COPB1: variants seen among roughly 807,000 people sequenced by gnomAD.
COPB1 encodes coatomer subunit beta.
In COPB1, 21 loss-of-function variants were observed where a neutral mutation model predicts 108.7. That is an observed-to-expected ratio of 0.19 (90% confidence interval 0.14 to 0.28). COPB1 has a LOEUF of 0.28. COPB1 is among the 10% of genes least tolerant of loss of function. The pLI is 1.00. For missense variants in COPB1, 919 were observed against 1,141.3 expected, an observed-to-expected ratio of 0.81 and a Z score of 2.81; for synonymous variants, 378 against 386.8, an observed-to-expected ratio of 0.98 and a Z score of 0.27.
chr11:14,495,686 A>C (rs1485442291), intron 2 of COPB1, among the ~76,000 whole-genome samples: 2 of 152,220 alleles, frequency 1.3e-5, no homozygotes, highest in African/African-American at 4.8e-5. Context: ...AATGGCAAAA[A>C]TATACATTAA....
At chr11:14,488,616 C>T in intron 5 of COPB1, 32 bp from the exon 6 acceptor site, 1 of 1,422,134 alleles carries the variant, frequency 7.0e-7, no homozygotes, top group Non-Finnish European at 9.8e-7. Flanking sequence ...TTATCATTCT[C>T]CACCTCATTC....
Position 14,498,988 on chromosome 11 carries a change from A to C in COPB1, c.-57-3T>G. The C allele has an allele frequency of 1.5e-6, 2 of 1,362,246 alleles. No homozygotes were observed. Among genetic ancestry groups the C allele is most frequent in the African/African-American group, 3.0e-5 (2 of 67,576 alleles). 84.4% of individuals were successfully genotyped at this position (1,362,246 alleles called of 1,614,324 possible). A position where few individuals can be genotyped will look rare whatever the true frequency, so the allele number is the denominator to read the frequency against. ...AAGATTTAAGGATGCCAGAAAATCT[A>C]GAAAAATAAACACAGACATATCATT... On this transcript the variant is annotated splice_polypyrimidine_tract_variant and splice_region_variant and intron_variant, in intron 1 of 21. Transcript: ENST00000439561.
intron 4 of COPB1, among the ~76,000 whole-genome samples, chr11:14,491,669 CAA>C (rs10550863): frequency 0.66 from 90,888 of 138,496 alleles, 29,171 homozygotes; most frequent in East Asian, 0.7. Flanking sequence ...AACTCTGTCT[CAA>C]AAAAAAAAAA....
At position 14,485,545 on chromosome 11, in the gene COPB1, T is replaced by C. The variant is rs180828022; in HGVS notation, c.837+822A>G. ...GCCAGAAGCCTTACCAATGACACAGTTGATTAAAACATGTTTTGTGGCCAG... is the reference window on the plus strand; with the variant it reads ...GCCAGAAGCCTTACCAATGACACAGCTGATTAAAACATGTTTTGTGGCCAG... On this transcript the variant is annotated intron_variant, in intron 7 of 21. Transcript: ENST00000439561. Among the ~76,000 whole-genome samples the C allele has an allele frequency of 3.8e-4, 58 of 152,260 alleles. 1 individual carries two copies. The highest frequency in any genetic ancestry group is 1.3e-3 in the African/African-American group (53 of 41,548).
At chr11:14,463,467 C>T (rs370330632) in intron 18 of COPB1, among the ~76,000 whole-genome samples, 3 of 152,258 alleles carry the variant, frequency 2.0e-5, no homozygotes, top group Admixed American at 6.5e-5. Context: ...TACAGGCGTG[C>T]GCCATTACGC....
At chr11:14,498,005 G>A (rs1292187652) in intron 2 of COPB1, among the ~76,000 whole-genome samples, 5 of 152,150 alleles carry the variant, frequency 3.3e-5, no homozygotes, top group East Asian at 3.9e-4. Flanking sequence ...ACAAACTCAC[G>A]GAGACAGAGT....
chr11:14,488,642 T>G, intron 5 of COPB1, 58 bp from the exon 6 acceptor site: 1 of 1,122,342 alleles, frequency 8.9e-7, no homozygotes. Context: ...AAGGACTTAA[T>G]GCATCTTAAA....
At position 14,494,423 on chromosome 11, in the gene COPB1, C is replaced by A; in HGVS notation, c.108G>T (p.Lys36Asn). 1 of 1,558,640 alleles carries A rather than the reference C, an allele frequency of 6.4e-7. No individual in the cohort carries two copies. Among genetic ancestry groups the A allele is most frequent in the Non-Finnish European group, 8.7e-7 (1 of 1,144,500 alleles). The change falls in exon 3 of 22, where the codon AAG becomes AAT. Residue 36 changes from lysine to asparagine, a missense_variant. Physicochemically the swap from Lys to Asn is moderately conservative, Grantham distance 94. Coordinates refer to ENST00000439561, the MANE Select transcript of COPB1 (RefSeq NM_001144061.2). The stretch of plus-strand genomic sequence containing the variant: ...CTTTCTTCAAAGCTTCAGTCTTTGA[C>A]TTTACATCTCCTTTTTCTGAATCAA... ...LKNDLEKGDV[K>N]SKTEALKKVI...
At chr11:14,468,643 G>C (rs763589901) in intron 16 of COPB1, 38 bp downstream of exon 16, 51 of 1,584,138 alleles carry the variant, frequency 3.2e-5, no homozygotes, top group Non-Finnish European at 4.4e-5. Context: ...TTAAGGAGTC[G>C]ATTTAAATAA....
intron 14 of COPB1, 151 bp downstream of exon 14, chr11:14,474,344 G>C (rs1850470315): frequency 1.8e-6 from 1 of 564,990 alleles, no homozygotes; most frequent in Admixed American, 3.3e-5. Context: ...CAATTTTAGA[G>C]TAATATATTA....
chr11:14,490,784 T>G, intron 4 of COPB1, 105 bp from the exon 5 acceptor site: 1 of 623,112 alleles, frequency 1.6e-6, no homozygotes, highest in Non-Finnish European at 2.7e-6. Flanking sequence ...CTTTACAACA[T>G]ACTTTTGCTT....
chr11:14,488,466 T>C (rs112586995), intron 6 of COPB1, 26 bp downstream of exon 6: 1 of 1,451,308 alleles, frequency 6.9e-7, no homozygotes, highest in African/African-American at 1.4e-5. Flanking sequence ...GAGTTTATTT[T>C]ACTCATCATA....
At chr11:14,494,751 G>A (rs1312984443) in intron 2 of COPB1, 1 of 224,090 alleles carries the variant, frequency 4.5e-6, no homozygotes, top group African/African-American at 2.3e-5. Flanking sequence ...AAGTAAACGT[G>A]TTTCAAAACA....
chr11:14,485,885 T>A (rs779960539), intron 7 of COPB1, among the ~76,000 whole-genome samples: 1 of 152,104 alleles, frequency 6.6e-6, no homozygotes, highest in South Asian at 2.1e-4. Flanking sequence ...TTAAATGTAT[T>A]ATATAATGTA....
intron 18 of COPB1, among the ~76,000 whole-genome samples, chr11:14,462,381 TGCCACCGC>T (rs1850176269): frequency 1.3e-5 from 2 of 152,146 alleles, no homozygotes; most frequent in Admixed American, 1.3e-4. Flanking sequence ...CACAGGCGCC[TGCCACCGC>T]GCCTGGCTAA....
At chr11:14,496,836 T>C (rs192384548) in intron 2 of COPB1, among the ~76,000 whole-genome samples, 26 of 152,300 alleles carry the variant, frequency 1.7e-4, no homozygotes, top group African/African-American at 6.0e-4. Flanking sequence ...AGCATGGTAC[T>C]GGCATAAAAA....
chr11:14,465,572 A>T (rs1399839310), intron 17 of COPB1, among the ~76,000 whole-genome samples: 1 of 152,226 alleles, frequency 6.6e-6, no homozygotes, highest in Non-Finnish European at 1.5e-5. Context: ...AAAAAGCTTA[A>T]GTCTTAAACT....
At position 14,493,752 on chromosome 11, in the gene COPB1, C is replaced by A. The variant is rs1268650557; in HGVS notation, c.381G>T (p.Leu127Phe). 6.2e-7 allele frequency: 1 copy of A among 1,613,226 alleles called. No individual in the cohort carries two copies. The highest frequency in any genetic ancestry group is 8.5e-7 in the Non-Finnish European group (1 of 1,179,682). Reference sequence around the variant, plus strand: ...AAGGTTCTAGCAATTCTGCTTCTTTCAATTTGCAAAGAAAACGAAGAGTAG... The same window carrying A: ...AAGGTTCTAGCAATTCTGCTTCTTTAAATTTGCAAAGAAAACGAAGAGTAG... ...RGSTLRFLCK[L>F]KEAELLEPLM... The change falls in exon 4 of 22, where the codon TTG becomes TTT. Residue 127 changes from leucine (L) to phenylalanine (F), a missense_variant. Transcript: ENST00000439561.
intron 18 of COPB1, among the ~76,000 whole-genome samples, chr11:14,461,906 G>A (rs919175282): frequency 6.6e-6 from 1 of 152,120 alleles, no homozygotes; most frequent in Non-Finnish European, 1.5e-5. Context: ...CATAGTATTT[G>A]CATTACCTAT....
Sources: gnomAD v4.1 joint callset for allele counts (sites outside exome capture counted in the v4.1 genomes callset) on GRCh38, gnomAD v4.1.1 for gene constraint, MANE v1.5 for transcripts, NCBI Gene and HGNC (gene_info 2026-07-23, HGNC 2026-07-21) for gene names.